The following EPHA7 variants were observed in gnomAD, a reference collection of about 807,000 sequenced individuals.
The protein encoded by EPHA7 is EPH receptor A7, also known as ephrin type-A receptor 7.
A neutral mutation model predicts 112.6 loss-of-function variants in EPHA7; 25 were observed. The ratio of observed to expected loss-of-function variants is 0.22; its 90% CI spans 0.16 to 0.31. The LOEUF (loss-of-function observed/expected upper bound fraction) is 0.31. Ranked by LOEUF, EPHA7 falls within the 10% of genes least tolerant of loss-of-function variation. EPHA7 has a pLI of 1.00. For missense variants in EPHA7, 962 were observed against 1,212.6 expected (o/e 0.79, Z 3.07); for synonymous variants, 437 against 406.5 (o/e 1.07, Z -0.90).
intron 3 of EPHA7, among the ~76,000 whole-genome samples, chr6:93,371,954 T>C (rs909190305): frequency 6.6e-6 from 1 of 152,190 alleles, no homozygotes; most frequent in Non-Finnish European, 1.5e-5. Context: ...TGTGAAGACA[T>C]ACTGTCACAG....
chr6:93,396,408 G>C (rs866139600), intron 3 of EPHA7, among the ~76,000 whole-genome samples: 1 of 151,836 alleles, frequency 6.6e-6, no homozygotes, highest in Non-Finnish European at 1.5e-5. Flanking sequence ...GGCTGAAGCT[G>C]TGATATAGAT....
chr6:93,287,444 T>C (rs1484891068), intron 5 of EPHA7, among the ~76,000 whole-genome samples: 2 of 151,994 alleles, frequency 1.3e-5, no homozygotes, highest in African/African-American at 4.8e-5. Context: ...TCAGTAGCAT[T>C]AATATTTTTA....
chr6:93,397,693 A>G (rs1417380944), intron 3 of EPHA7, among the ~76,000 whole-genome samples: 6 of 151,976 alleles, frequency 3.9e-5, no homozygotes, highest in Non-Finnish European at 7.4e-5. Context: ...ATCTATTAAC[A>G]TTAATGAATA....
intron 5 of EPHA7, among the ~76,000 whole-genome samples, chr6:93,324,932 A>T (rs1034475138): frequency 3.3e-5 from 5 of 151,410 alleles, no homozygotes; most frequent in African/African-American, 1.2e-4. Flanking sequence ...TTTTATTGAT[A>T]GATTTTTCAC....
chr6:93,313,282 G>C (rs1001373324), intron 5 of EPHA7, among the ~76,000 whole-genome samples: 4 of 152,128 alleles, frequency 2.6e-5, no homozygotes, highest in South Asian at 4.1e-4. Flanking sequence ...TAAAAACACT[G>C]GTGGTAATGT....
At chr6:93,296,418 T>C (rs9363055) in intron 5 of EPHA7, among the ~76,000 whole-genome samples, 37,114 of 146,808 alleles carry the variant, frequency 0.25, 5,389 homozygotes, top group South Asian at 0.39. Flanking sequence ...AAACTATTCA[T>C]AGCATATATA....
At chr6:93,321,383 G>A (rs916695809) in intron 5 of EPHA7, among the ~76,000 whole-genome samples, 3 of 151,788 alleles carry the variant, frequency 2.0e-5, no homozygotes, top group African/African-American at 7.3e-5. Flanking sequence ...TTGATCCCAG[G>A]AGCATTCCCC....
rs1295612769 is a variant in EPHA7, at chr6:93,269,781, T to C, written c.1450-121A>G. ...TTTATAGAGGCTACATTGTACTTTG[T>C]GGAATATTATAAAGTTAAATCACTT... On this transcript the variant is annotated intron_variant, in intron 6 of 16. Transcript: ENST00000369303. The C allele has an allele frequency of 9.6e-6, 7 of 729,468 alleles. No individual in the cohort carries two copies. In the East Asian group the frequency reaches 1.8e-4, roughly 19 times the overall value. 45.2% of individuals were successfully genotyped at this position (729,468 alleles called of 1,614,324 possible). A position where few individuals can be genotyped will look rare whatever the true frequency, so the allele number is the denominator to read the frequency against.
chr6:93,279,382 A>G (rs560968419), intron 5 of EPHA7, among the ~76,000 whole-genome samples: 5 of 152,278 alleles, frequency 3.3e-5, no homozygotes, highest in Non-Finnish European at 7.4e-5. Context: ...ACACTTATCA[A>G]TAAGCATGGT....
chr6:93,410,478 T>C lies in EPHA7; in HGVS notation c.832+23A>G, dbSNP rs897367851. ...TGAAATTTAAAAAGGCAAAGTGGAG[T>C]TTTAATAGGACACATTACTTACGTT... On this transcript the variant is annotated intron_variant, in intron 3 of 16. Transcript: ENST00000369303. This position sits in a 1 kb window ranked among gnomAD's most constrained non-coding sequence, Gnocchi z 4.0. 7 of 1,581,466 alleles carry C rather than the reference T, an allele frequency of 4.4e-6. No homozygotes were observed. The African/African-American group carries it at 8.2e-5, about 18-fold the overall frequency.
intron 15 of EPHA7, among the ~76,000 whole-genome samples, chr6:93,246,423 A>G (rs566177063): frequency 1.3e-5 from 2 of 152,282 alleles, no homozygotes; most frequent in Non-Finnish European, 2.9e-5. Context: ...TTAAATAGAT[A>G]CTATGCATAT....
chr6:93,379,225 A>T (rs1299074867), intron 3 of EPHA7, among the ~76,000 whole-genome samples: 1 of 152,082 alleles, frequency 6.6e-6, no homozygotes, highest in Non-Finnish European at 1.5e-5. Context: ...ATTGAAGGTT[A>T]ATTCTGGTAG....
chr6:93,303,650 T>C (rs1409247283), intron 5 of EPHA7, among the ~76,000 whole-genome samples: 3 of 152,144 alleles, frequency 2.0e-5, no homozygotes, highest in African/African-American at 4.8e-5. Context: ...TGGATCAGCA[T>C]AGTATCTGCT....
rs187405797 is a variant in EPHA7, at chr6:93,321,564, A to T, written c.1324+35153T>A. On this transcript the variant is annotated intron_variant, in intron 5 of 16. Coordinates refer to ENST00000369303, the MANE Select transcript of EPHA7 (RefSeq NM_004440.4). Reference sequence around the variant, plus strand: ...TGGTGTTTGTTTATTAAGTTTAATTACAAGACAAAAATTATAATATCTGAA... The same window carrying T: ...TGGTGTTTGTTTATTAAGTTTAATTTCAAGACAAAAATTATAATATCTGAA... 4.4e-3 allele frequency among the ~76,000 whole-genome samples: 662 copies of T among 152,026 alleles called. 1 individual carries two copies. Among genetic ancestry groups the T allele is most frequent in the Non-Finnish European group, 7.5e-3 (509 of 67,904 alleles).
chr6:93,324,161 T>C (rs1774205695), intron 5 of EPHA7, among the ~76,000 whole-genome samples: 1 of 151,394 alleles, frequency 6.6e-6, no homozygotes, highest in South Asian at 2.1e-4. Context: ...TGTTAATGGA[T>C]AGACTGATTT....
chr6:93,361,332 G>A (rs776500749), intron 3 of EPHA7, among the ~76,000 whole-genome samples: 1 of 151,932 alleles, frequency 6.6e-6, no homozygotes, highest in African/African-American at 2.4e-5. Flanking sequence ...GTACAAAAGC[G>A]CTGGAGCAAT....
intron 3 of EPHA7, among the ~76,000 whole-genome samples, chr6:93,407,635 C>T (rs551279084): frequency 1.3e-5 from 2 of 151,922 alleles, no homozygotes; most frequent in Non-Finnish European, 2.9e-5. Context: ...CTCCTTTAAC[C>T]GTGTATTTTT....
At chr6:93,385,330 G>A (rs1232645050) in intron 3 of EPHA7, among the ~76,000 whole-genome samples, 16 of 152,062 alleles carry the variant, frequency 1.1e-4, no homozygotes, top group Non-Finnish European at 1.3e-4. Context: ...ATGTAATACA[G>A]TGTGTCTAAA....
intron 5 of EPHA7, among the ~76,000 whole-genome samples, chr6:93,322,201 A>C: frequency 6.6e-6 from 1 of 151,866 alleles, no homozygotes; most frequent in East Asian, 1.9e-4. Context: ...CACTGTATGT[A>C]ATTTTAAAAT....
Sources: allele counts gnomAD v4.1 joint callset (sites outside exome capture counted in the v4.1 genomes callset), GRCh38; gene constraint gnomAD v4.1.1; non-coding constraint Gnocchi (gnomAD v3.1); transcripts MANE v1.5; gene names NCBI Gene and HGNC (gene_info 2026-07-23, HGNC 2026-07-21).